The following LRRC2 variants were observed in gnomAD, a reference collection of about 807,000 sequenced individuals.
LRRC2 encodes leucine rich repeat containing 2.
Under a neutral mutation model 40.2 loss-of-function variants are expected in LRRC2, and 27 were observed. The ratio of observed to expected loss-of-function variants is 0.67; its 90% confidence interval spans 0.49 to 0.93. LRRC2 has a LOEUF of 0.93. Among genes scored for constraint, LRRC2 ranks in the 40% least tolerant of loss-of-function variants. The pLI is 0.00. For synonymous variants in LRRC2, 147 were observed against 158.9 expected (o/e 0.92, Z 0.56); for missense variants, 402 against 439.6 (o/e 0.91, Z 0.76).
At chr3:46,531,154 T>C (rs1296227091) in intron 5 of LRRC2, among the ~76,000 whole-genome samples, 1 of 110,128 alleles carries the variant, frequency 9.1e-6, no homozygotes, top group African/African-American at 3.6e-5. Context: ...TAGTTAGATT[T>C]TTTTTTTTTT....
At chr3:46,559,779 A>G (rs1266933186) in intron 1 of LRRC2, 2 of 152,224 alleles carry the variant, frequency 1.3e-5, no homozygotes, top group Non-Finnish European at 2.9e-5. Flanking sequence ...GTTATAAGTC[A>G]TTACTACTCT....
intron 1 of LRRC2, among the ~76,000 whole-genome samples, chr3:46,563,238 C>T (rs1704985641): frequency 6.6e-6 from 1 of 152,170 alleles, no homozygotes; most frequent in African/African-American, 2.4e-5. Context: ...GCTTCCCACT[C>T]AACCCCATCT....
intron 4 of LRRC2, 49 bp downstream of exon 4, chr3:46,538,996 G>T (rs377664089): frequency 7.6e-6 from 12 of 1,573,422 alleles, no homozygotes; most frequent in Non-Finnish European, 1.0e-5. Context: ...CCTGACAGCT[G>T]CCTGCTTAAC....
chr3:46,547,856 TTAGTTTTATAACCA>T (rs138132222), intron 2 of LRRC2, among the ~76,000 whole-genome samples: 12,191 of 152,084 alleles, frequency 0.08, 559 homozygotes, highest in South Asian at 0.17. Context: ...TCTGTGTGAT[TTAGTTTTATAACCA>T]TATGATAAAA....
intron 3 of LRRC2, among the ~76,000 whole-genome samples, chr3:46,544,727 G>T (rs1375984184): frequency 6.6e-6 from 1 of 152,234 alleles, no homozygotes; most frequent in Admixed American, 6.5e-5. Context: ...GGCGTTAGTT[G>T]AATGAAAGGC....
At chr3:46,563,774 C>G (rs1004946703) in intron 1 of LRRC2, among the ~76,000 whole-genome samples, 1 of 152,196 alleles carries the variant, frequency 6.6e-6, no homozygotes, top group East Asian at 1.9e-4. Context: ...CACACACCGG[C>G]CCCCATGAGT....
At chr3:46,524,841 C>T (rs1386598966) in intron 7 of LRRC2, among the ~76,000 whole-genome samples, 1 of 152,026 alleles carries the variant, frequency 6.6e-6, no homozygotes, top group South Asian at 2.1e-4. Flanking sequence ...GCATATATAG[C>T]GATGTAGTAC....
At chr3:46,555,226 A>G (rs1229480198) in intron 1 of LRRC2, among the ~76,000 whole-genome samples, 1 of 152,112 alleles carries the variant, frequency 6.6e-6, no homozygotes, top group Non-Finnish European at 1.5e-5. Context: ...ATCATTTTAT[A>G]TTATCCTAAC....
chr3:46,551,613 A>C lies in LRRC2; in HGVS notation c.-19-3T>G, dbSNP rs1228802274. On this transcript the variant is annotated splice_polypyrimidine_tract_variant and splice_region_variant and intron_variant, in intron 1 of 8. Transcript: ENST00000395905. ...CCATTTTGGGAGCATGAAATTACCT[A>C]TTTAAAAAATATATAGATATGTCAG... The C allele has an allele frequency of 6.3e-7, 1 of 1,598,156 alleles. No homozygotes were observed. The highest frequency in any genetic ancestry group is 1.4e-5 in the African/African-American group (1 of 74,012).
rs149097666 is a variant in LRRC2 at position 46,542,697 on chromosome 3, C to T, written c.333+2349G>A. 2.5e-3 allele frequency among the ~76,000 whole-genome samples: 383 copies of T among 152,248 alleles called. 3 individuals carry two copies. The highest frequency in any genetic ancestry group is 8.8e-3 in the African/African-American group (367 of 41,560). ...TTGAAAAAACAAACAGCAAACAGCT[C>T]GGGGAAATTAAACATGTGGTAGTAA... On this transcript the variant is annotated intron_variant, in intron 3 of 8. Transcript: ENST00000395905.
intron 8 of LRRC2, among the ~76,000 whole-genome samples, chr3:46,519,773 C>A (rs1406097217): frequency 6.6e-6 from 1 of 152,188 alleles, no homozygotes; most frequent in Admixed American, 6.5e-5. Context: ...AAGTTGTAGG[C>A]CCTTGTGGGC....
chr3:46,546,186 G>A (rs1375366016), intron 2 of LRRC2, among the ~76,000 whole-genome samples: 2 of 152,202 alleles, frequency 1.3e-5, no homozygotes, highest in African/African-American at 2.4e-5. Flanking sequence ...TGGTCTTCAC[G>A]TGGCCCAAGG....
chr3:46,564,998 T>C (rs1346445402), intron 1 of LRRC2, among the ~76,000 whole-genome samples: 1 of 152,244 alleles, frequency 6.6e-6, no homozygotes, highest in African/African-American at 2.4e-5. Flanking sequence ...AGCGTTGGAA[T>C]GAACGCAGTG....
At chr3:46,552,333 T>C (rs1421348788) in intron 1 of LRRC2, among the ~76,000 whole-genome samples, 4 of 150,778 alleles carry the variant, frequency 2.7e-5, no homozygotes, top group Non-Finnish European at 5.9e-5. Context: ...ACATCCTCTC[T>C]CCTCTCTCAA....
At chr3:46,562,951 C>T (rs1248749527) in intron 1 of LRRC2, among the ~76,000 whole-genome samples, 1 of 152,100 alleles carries the variant, frequency 6.6e-6, no homozygotes. Context: ...GTCTCAAACT[C>T]CTGACCTCAG....
At chr3:46,548,997 G>C (rs1486380609) in intron 2 of LRRC2, among the ~76,000 whole-genome samples, 1 of 152,182 alleles carries the variant, frequency 6.6e-6, no homozygotes, top group Non-Finnish European at 1.5e-5. Context: ...CTGCTGTGTG[G>C]CCCAGTTCCT....
intron 7 of LRRC2, among the ~76,000 whole-genome samples, chr3:46,527,182 C>T (rs1040464346): frequency 7.2e-5 from 11 of 152,160 alleles, no homozygotes; most frequent in South Asian, 4.1e-4. Context: ...ACATATGTCC[C>T]GCAACACCAT....
At chr3:46,535,252 G>A (rs1704250532) in intron 4 of LRRC2, among the ~76,000 whole-genome samples, 1 of 152,136 alleles carries the variant, frequency 6.6e-6, no homozygotes, top group South Asian at 2.1e-4. Context: ...ATATAATGAT[G>A]AAAAATTGTG....
Position 46,516,732 on chromosome 3 carries a change from A to T in LRRC2, c.*2282T>A, listed in dbSNP as rs149204927. On this transcript the variant is annotated 3_prime_UTR_variant, in exon 9 of 9. Transcript: ENST00000395905. Reference sequence around the variant, plus strand: ...TTGTTGCTGGAAACACTGAAAGATCAGCCGTGTTGCTAAACATGTAGAAGC... The same window carrying T: ...TTGTTGCTGGAAACACTGAAAGATCTGCCGTGTTGCTAAACATGTAGAAGC... 9.2e-5 allele frequency: 14 copies of T among 152,420 alleles called. No homozygotes were observed. Among genetic ancestry groups the T allele is most frequent in the African/African-American group, 3.1e-4 (13 of 41,570 alleles). The allele number at this position is 152,420 out of a possible 1,614,324, so 9.4% of individuals were successfully genotyped here. A position where few individuals can be genotyped will look rare whatever the true frequency, so the allele number is the denominator to read the frequency against.
Sources: allele counts gnomAD v4.1 joint callset (sites outside exome capture counted in the v4.1 genomes callset), GRCh38; gene constraint gnomAD v4.1.1; transcripts MANE v1.5; gene names NCBI Gene and HGNC (gene_info 2026-07-23, HGNC 2026-07-21).